Variants in COMMD1 observed in about 807,000 individuals in gnomAD.
COMMD1 encodes the protein COMM domain-containing protein 1.
COMMD1 carries 10 observed loss-of-function variants against 17.2 expected under a neutral mutation model. That is an observed-to-expected ratio of 0.58 (90% confidence interval 0.36 to 0.99). The LOEUF (loss-of-function observed/expected upper bound fraction) is 0.99. COMMD1 is among the 50% of genes least tolerant of loss of function. The probability of loss-of-function intolerance (pLI) is 0.01; values close to 1 mark genes in which losing one functional copy is unlikely to be tolerated. For synonymous variants in COMMD1, 97 were observed against 91.6 expected (o/e 1.06, Z -0.34); for missense variants, 270 against 231.8 (o/e 1.17, Z -1.07).
At chr2:62,066,794 C>T (rs184210412) in intron 2 of COMMD1, among the ~76,000 whole-genome samples, 5 of 151,906 alleles carry the variant, frequency 3.3e-5, no homozygotes, top group South Asian at 2.1e-4. Context: ...GGTGGGATTG[C>T]GGCTCACTGC....
intron 2 of COMMD1, among the ~76,000 whole-genome samples, chr2:62,134,283 A>G (rs1003689233): frequency 3.3e-5 from 5 of 152,240 alleles, no homozygotes; most frequent in African/African-American, 1.2e-4. Context: ...CAGAGAAAAG[A>G]ACATTGACTT....
intron 1 of COMMD1, among the ~76,000 whole-genome samples, chr2:61,893,034 A>T (rs1180474652): frequency 6.6e-6 from 1 of 151,710 alleles, no homozygotes; most frequent in Non-Finnish European, 1.5e-5. Flanking sequence ...TGGTCGGCTA[A>T]TTTTGTATTT....
At chr2:61,888,534 C>T (rs1572931318), upstream of COMMD1, 1 of 1,604,364 alleles carries the variant, frequency 6.2e-7, no homozygotes. Context: ...TCTGGGTTGG[C>T]TCGGGAAGGA....
chr2:61,948,899 G>T (rs1269529375), intron 1 of COMMD1, among the ~76,000 whole-genome samples: 4 of 152,144 alleles, frequency 2.6e-5, no homozygotes, highest in African/African-American at 9.7e-5. Flanking sequence ...TGACTACAGG[G>T]ACTTGAGGAG....
chr2:61,924,065 C>A lies in COMMD1; in HGVS notation c.180+18207C>A, dbSNP rs1670261500. On this transcript the variant is annotated intron_variant, in intron 1 of 2. Coordinates refer to ENST00000311832, the MANE Select transcript of COMMD1 (RefSeq NM_152516.4). ...GTGCTGGGATTACAGGTGTGAGCCA[C>A]AACGCCCAGTCTAGAAAGAGAATTT... Among the ~76,000 whole-genome samples the A allele has an allele frequency of 2.6e-5, 4 of 152,226 alleles. No individual in the cohort carries two copies. In the South Asian group the frequency reaches 8.3e-4, roughly 32 times the overall value.
At chr2:61,966,525 C>G (rs1019731579) in intron 1 of COMMD1, among the ~76,000 whole-genome samples, 1 of 151,992 alleles carries the variant, frequency 6.6e-6, no homozygotes, top group Non-Finnish European at 1.5e-5. Context: ...AAATGTATTT[C>G]ATTTCACTTC....
intron 2 of COMMD1, among the ~76,000 whole-genome samples, chr2:62,092,104 G>GT: frequency 6.6e-6 from 1 of 152,300 alleles, no homozygotes. Context: ...GAGAGAAGGA[G>GT]TGTGGGGTAG....
intron 2 of COMMD1, among the ~76,000 whole-genome samples, chr2:62,068,773 T>C (rs1671123603): frequency 6.6e-6 from 1 of 151,916 alleles, no homozygotes; most frequent in Admixed American, 6.6e-5. Flanking sequence ...TATAGGTGCA[T>C]GCCAGCACAC....
intron 2 of COMMD1, 107 bp downstream of exon 2, chr2:62,001,089 CTG>C (rs1431296978): frequency 1.9e-6 from 2 of 1,078,070 alleles, no homozygotes; most frequent in African/African-American, 3.1e-5. Context: ...GGAAAAGACA[CTG>C]TTTCCTAGAA....
At chr2:61,926,086 T>C (rs1287775410) in intron 1 of COMMD1, among the ~76,000 whole-genome samples, 1 of 152,124 alleles carries the variant, frequency 6.6e-6, no homozygotes, top group Admixed American at 6.6e-5. Context: ...TTCTCCTGCC[T>C]CAGCCTCCCG....
intron 1 of COMMD1, among the ~76,000 whole-genome samples, chr2:61,913,105 A>G (rs867448735): frequency 2.0e-5 from 3 of 152,148 alleles, no homozygotes; most frequent in Non-Finnish European, 2.9e-5. Flanking sequence ...GCAGTGGCTC[A>G]TGCCTGTAAT....
chr2:61,929,563 A>G (rs1572972165), intron 1 of COMMD1, among the ~76,000 whole-genome samples: 1 of 152,246 alleles, frequency 6.6e-6, no homozygotes, highest in African/African-American at 2.4e-5. Context: ...CATCAAACCT[A>G]GCATAACAAT....
chr2:61,978,621 A>G (rs1009650211), intron 1 of COMMD1, among the ~76,000 whole-genome samples: 1 of 152,122 alleles, frequency 6.6e-6, no homozygotes, highest in Non-Finnish European at 1.5e-5. Context: ...TTGCTTGACT[A>G]GGGGCTGAAG....
chr2:62,057,803 C>G (rs1447575762), intron 2 of COMMD1, among the ~76,000 whole-genome samples: 2 of 151,942 alleles, frequency 1.3e-5, no homozygotes. Flanking sequence ...AACTCCTGGG[C>G]TCAGGCGATC....
chr2:62,124,459 G>T (rs978515134), intron 2 of COMMD1, among the ~76,000 whole-genome samples: 1 of 152,178 alleles, frequency 6.6e-6, no homozygotes, highest in African/African-American at 2.4e-5. Flanking sequence ...AGCAACACAG[G>T]TGGCAGAAGA....
chr2:61,972,422 G>A (rs1671674714), intron 1 of COMMD1, among the ~76,000 whole-genome samples: 1 of 152,228 alleles, frequency 6.6e-6, no homozygotes, highest in South Asian at 2.1e-4. Context: ...AGGAGGTGTC[G>A]CATAACTCTC....
chr2:61,959,661 T>C (rs780288127), intron 1 of COMMD1, among the ~76,000 whole-genome samples: 1 of 152,234 alleles, frequency 6.6e-6, no homozygotes, highest in Non-Finnish European at 1.5e-5. Context: ...ATATTACCCA[T>C]AATCCACATA....
chr2:62,005,370 C>T (rs1459306164), intron 2 of COMMD1, among the ~76,000 whole-genome samples: 1 of 152,136 alleles, frequency 6.6e-6, no homozygotes, highest in African/African-American at 2.4e-5. Flanking sequence ...TTCCCTCACT[C>T]CCTATTTAAA....
At chr2:61,917,899 A>ATC (rs1670090979) in intron 1 of COMMD1, among the ~76,000 whole-genome samples, 1 of 152,244 alleles carries the variant, frequency 6.6e-6, no homozygotes, top group African/African-American at 2.4e-5. Flanking sequence ...TGGATGTAGA[A>ATC]TATATAGTCT....
Sources: allele counts gnomAD v4.1 joint callset (sites outside exome capture counted in the v4.1 genomes callset), GRCh38; gene constraint gnomAD v4.1.1; transcripts MANE v1.5; gene names NCBI Gene and HGNC (gene_info 2026-07-23, HGNC 2026-07-21).